The following PTPRM variants were observed in gnomAD, a reference collection of about 807,000 sequenced individuals.
PTPRM encodes protein tyrosine phosphatase receptor type M, also known as receptor-type tyrosine-protein phosphatase mu.
A neutral mutation model predicts 186.7 loss-of-function variants in PTPRM; 47 were observed. The observed-to-expected ratio is 0.25, with a 90% confidence interval of 0.20 to 0.32. The LOEUF (loss-of-function observed/expected upper bound fraction) is 0.32. Ranked by LOEUF, PTPRM falls within the 10% of genes least tolerant of loss-of-function variation. PTPRM has a pLI of 1.00. For synonymous variants in PTPRM, 668 were observed against 674.9 expected (o/e 0.99, Z 0.16); for missense variants, 1,494 against 1,865.0 (o/e 0.80, Z 3.66).
intron 1 of PTPRM, among the ~76,000 whole-genome samples, chr18:7,714,936 G>A (rs984114727): frequency 9.2e-5 from 14 of 152,112 alleles, no homozygotes; most frequent in Admixed American, 2.0e-4. Context: ...TCTACGAGAG[G>A]TACAAAGACC....
intron 2 of PTPRM, among the ~76,000 whole-genome samples, chr18:7,841,935 T>C (rs1031969069): frequency 5.3e-5 from 5 of 94,720 alleles, no homozygotes; most frequent in Non-Finnish European, 1.1e-4. Context: ...ATTTATGTTA[T>C]TATTTTTTTT....
intron 11 of PTPRM, among the ~76,000 whole-genome samples, chr18:8,097,361 C>T (rs781706957): frequency 5.3e-5 from 8 of 152,128 alleles, no homozygotes; most frequent in Admixed American, 1.3e-4. Context: ...TCCATCTCAT[C>T]TCTACTTCTA....
At position 8,380,338 on chromosome 18, in the gene PTPRM, T is replaced by C; in HGVS notation, c.3829T>C (p.Leu1277=). The change falls in exon 29 of 33, where the codon TTG becomes CTG. Residue 1277 remains leucine, a synonymous_variant. Coordinates refer to ENST00000580170, the MANE Select transcript of PTPRM (RefSeq NM_001105244.2). ...PSAFIVTQHP[L]PNTVKDFWRL... The stretch of plus-strand genomic sequence containing the variant: ...AGCTTTTATAGTCACCCAGCATCCT[T>C]TGCCAAACACAGTGAAAGACTTTTG... 6.2e-7 allele frequency: 1 copy of C among 1,614,012 alleles called. No individual in the cohort carries two copies. Among genetic ancestry groups the C allele is most frequent in the South Asian group, 1.1e-5 (1 of 91,078 alleles).
rs2093209954 is a variant in PTPRM at position 8,160,501 on chromosome 18, C to T, written c.2300+16722C>T. ...GTAGAGACAGGGTGTTGCCATGCTG[C>T]CCAGGCTGATCTTGAACTCAGGGCC... On this transcript the variant is annotated intron_variant, in intron 14 of 32. Coordinates refer to ENST00000580170, the MANE Select transcript of PTPRM (RefSeq NM_001105244.2). Among the ~76,000 whole-genome samples the T allele has an allele frequency of 2.0e-5, 3 of 152,182 alleles. No individual in the cohort carries two copies. The South Asian group carries it at 6.2e-4, about 32-fold the overall frequency.
chr18:7,583,921 G>C (rs1208340161), intron 1 of PTPRM, among the ~76,000 whole-genome samples: 2 of 152,148 alleles, frequency 1.3e-5, no homozygotes, highest in Non-Finnish European at 2.9e-5. Context: ...CTAGGAGACT[G>C]ATGTTAATCA....
chr18:7,602,486 G>C (rs371505714), intron 1 of PTPRM, among the ~76,000 whole-genome samples: 45 of 151,024 alleles, frequency 3.0e-4, no homozygotes, highest in African/African-American at 1.0e-3. Context: ...GGAGTGCAGT[G>C]GTGTCTTCAT....
At chr18:7,590,423 A>C (rs961647427) in intron 1 of PTPRM, among the ~76,000 whole-genome samples, 3 of 152,136 alleles carry the variant, frequency 2.0e-5, no homozygotes, top group Admixed American at 6.6e-5. Flanking sequence ...GGAGGGTGGA[A>C]AGATGGTCAC....
intron 2 of PTPRM, among the ~76,000 whole-genome samples, chr18:7,821,169 A>G (rs1278499473): frequency 6.6e-6 from 1 of 152,114 alleles, no homozygotes; most frequent in East Asian, 1.9e-4. Context: ...TTCTGGCTCT[A>G]TGGCTTAGCA....
Position 7,918,568 on chromosome 18 carries a change from A to G in PTPRM, c.548-8000A>G, listed in dbSNP as rs112378681. 7.0e-3 allele frequency among the ~76,000 whole-genome samples: 1,068 copies of G among 152,242 alleles called. 15 individuals are homozygous for G. Among genetic ancestry groups the G allele is most frequent in the African/African-American group, 0.025 (1,025 of 41,566 alleles). ...GAAAATTAATTAGAGGCTCTTACTT[A>G]ACAACAGAATGGGTCAAGCAGAGGA... On this transcript the variant is annotated intron_variant, in intron 4 of 32. Transcript: ENST00000580170.
chr18:8,255,758 C>T (rs547429947), intron 19 of PTPRM, among the ~76,000 whole-genome samples: 8 of 152,312 alleles, frequency 5.3e-5, no homozygotes, highest in African/African-American at 1.9e-4. Context: ...CACTGAGTAC[C>T]GTGCCCCTTG....
intron 3 of PTPRM, among the ~76,000 whole-genome samples, chr18:7,905,924 A>G (rs2049956973): frequency 6.6e-6 from 1 of 152,216 alleles, no homozygotes; most frequent in Non-Finnish European, 1.5e-5. Context: ...CTGAATCTTA[A>G]CGTTGTCTCT....
At chr18:8,372,770 C>G (rs982564850) in intron 24 of PTPRM, among the ~76,000 whole-genome samples, 2 of 150,184 alleles carry the variant, frequency 1.3e-5, no homozygotes, top group African/African-American at 4.9e-5. Context: ...TTGGCAAGAG[C>G]ACTCATGAAT....
intron 2 of PTPRM, among the ~76,000 whole-genome samples, chr18:7,794,880 T>C (rs2043534577): frequency 6.6e-6 from 1 of 152,182 alleles, no homozygotes; most frequent in Non-Finnish European, 1.5e-5. Flanking sequence ...AACTGTTCCC[T>C]GGGGATAAAT....
intron 20 of PTPRM, among the ~76,000 whole-genome samples, chr18:8,302,563 A>G (rs78845406): frequency 0.08 from 12,111 of 152,038 alleles, 564 homozygotes; most frequent in South Asian, 0.14. Context: ...TTCGAAAGGG[A>G]CAGCTGTTGA....
chr18:7,744,028 A>T (rs574089459), intron 1 of PTPRM, among the ~76,000 whole-genome samples: 123 of 152,272 alleles, frequency 8.1e-4, no homozygotes, highest in African/African-American at 2.8e-3. Context: ...GATTTATGTT[A>T]TTTGGACAGA....
chr18:8,181,243 T>C (rs955127764), intron 14 of PTPRM, among the ~76,000 whole-genome samples: 1 of 152,224 alleles, frequency 6.6e-6, no homozygotes, highest in Non-Finnish European at 1.5e-5. Flanking sequence ...AAGTGAGAAT[T>C]GAGAGTGATT....
At chr18:8,220,092 C>A (rs2094137798) in intron 14 of PTPRM, among the ~76,000 whole-genome samples, 1 of 152,034 alleles carries the variant, frequency 6.6e-6, no homozygotes, top group African/African-American at 2.4e-5. Context: ...TTAGGATTTT[C>A]TTTTACCGCA....
chr18:7,735,285 T>C (rs7229937), intron 1 of PTPRM, among the ~76,000 whole-genome samples: 7,465 of 152,144 alleles, frequency 0.049, 468 homozygotes, highest in East Asian at 0.13. Context: ...AGCATGGTGG[T>C]GGGCGGCGCC....
At chr18:7,717,488 C>T (rs1233820509) in intron 1 of PTPRM, among the ~76,000 whole-genome samples, 2 of 152,198 alleles carry the variant, frequency 1.3e-5, no homozygotes, top group Admixed American at 1.3e-4. Flanking sequence ...AGTTACCATG[C>T]TTCAGTTCAT....
Sources: gnomAD v4.1 joint callset for allele counts (sites outside exome capture counted in the v4.1 genomes callset) on GRCh38, gnomAD v4.1.1 for gene constraint, MANE v1.5 for transcripts, NCBI Gene and HGNC (gene_info 2026-07-23, HGNC 2026-07-21) for gene names.